The following ENC1 variants were observed in gnomAD, a reference collection of about 807,000 sequenced individuals.
ENC1 encodes the protein ectodermal-neural cortex 1.
Under a neutral mutation model 40.9 loss-of-function variants are expected in ENC1, and 19 were observed. The observed-to-expected ratio is 0.46, with a 90% CI of 0.32 to 0.68. The LOEUF is 0.68. Ranked by LOEUF, ENC1 falls within the 30% of genes least tolerant of loss-of-function variation. The probability of loss-of-function intolerance (pLI) is 0.03; values close to 1 mark genes in which losing one functional copy is unlikely to be tolerated. For missense variants in ENC1, 479 were observed against 737.5 expected, an observed-to-expected ratio of 0.65 and a Z score of 4.06; for synonymous variants, 285 against 291.1, an observed-to-expected ratio of 0.98 and a Z score of 0.21.
intron 2 of ENC1, among the ~76,000 whole-genome samples, chr5:74,632,866 T>C (rs1747441537): frequency 6.6e-6 from 1 of 151,950 alleles, no homozygotes; most frequent in African/African-American, 2.4e-5. Flanking sequence ...GAAAATAAAA[T>C]GGCAAGCTGA....
intron 1 of ENC1, among the ~76,000 whole-genome samples, chr5:74,637,307 G>A (rs1053556101): frequency 7.2e-5 from 11 of 152,104 alleles, no homozygotes; most frequent in South Asian, 2.1e-4. Context: ...TGTAGAGACC[G>A]GGTCTCAAAC....
Position 74,636,515 on chromosome 5 carries a change from T to C in ENC1, c.-13-17A>G, listed in dbSNP as rs764058779. 3 of 1,353,314 alleles carry C rather than the reference T, an allele frequency of 2.2e-6. No homozygotes were observed. Among genetic ancestry groups the C allele is most frequent in the African/African-American group, 2.9e-5 (2 of 67,838 alleles). 83.8% of individuals were successfully genotyped at this position (1,353,314 alleles called of 1,614,324 possible). ...TTTCCACTCCTAAAAATAATAATAA[T>C]AATAAATTGAAAATGATGCTCCTGA... On this transcript the variant is annotated splice_polypyrimidine_tract_variant and intron_variant, in intron 1 of 2. Transcript: ENST00000302351. The surrounding 1 kb of genome is among the most constrained non-coding windows in gnomAD (Gnocchi z 4.8).
chr5:74,635,187 G>A lies in ENC1; in HGVS notation c.1299C>T (p.Gly433=), dbSNP rs775659610. Residue 433 remains glycine, a synonymous_variant, in exon 2 of 3, where the codon GGC becomes GGT. Transcript: ENST00000302351. This position sits in a 1 kb window ranked among gnomAD's most constrained non-coding sequence, Gnocchi z 5.5. The stretch of plus-strand genomic sequence containing the variant: ...CACTCACTACTGCGGCGTTGCTAAC[G>A]CCTTCTCGGAGTGGGGCCACCATGG... The part of the protein sequence containing the change: ...KWTMVAPLRE[G]VSNAAVVSAK... 23 of 1,614,086 alleles carry A rather than the reference G, an allele frequency of 1.4e-5. No individual in the cohort carries two copies. The highest frequency in any genetic ancestry group is 3.3e-5 in the South Asian group (3 of 91,090).
chr5:74,632,138 TC>T (rs1747414529), intron 2 of ENC1: 1 of 152,238 alleles, frequency 6.6e-6, no homozygotes, highest in South Asian at 2.1e-4. Flanking sequence ...CTTACCTTGT[TC>T]CAAGGATTCC....
Position 74,635,605 on chromosome 5 carries a change from C to T in ENC1, c.881G>A (p.Gly294Asp), listed in dbSNP as rs1039755292. Reference protein sequence around the residue: ...TSLCARPRKTGHALFLLGGQT... With the variant: ...TSLCARPRKTDHALFLLGGQT... Reference sequence around the variant, plus strand: ...TCCTCCCAGAAGGAAGAGGGCATGGCCAGTTTTCCGAGGTCGGGCACAGAG... The same window carrying T: ...TCCTCCCAGAAGGAAGAGGGCATGGTCAGTTTTCCGAGGTCGGGCACAGAG... Residue 294 changes from glycine to aspartate, a missense_variant, in exon 2 of 3, where the codon GGC becomes GAC. Physicochemically the swap from Gly to Asp is moderately conservative, Grantham distance 94. Coordinates refer to ENST00000302351, the MANE Select transcript of ENC1 (RefSeq NM_003633.4). The surrounding 1 kb of genome is among the most constrained non-coding windows in gnomAD (Gnocchi z 5.5). The T allele has an allele frequency of 1.2e-6, 2 of 1,614,074 alleles. No individual in the cohort carries two copies. Among genetic ancestry groups the T allele is most frequent in the Non-Finnish European group, 1.7e-6 (2 of 1,180,044 alleles).
rs947185313 is a variant in ENC1 at position 74,629,913 on chromosome 5, CT to C, written c.*111del. ...AGATTTTATTCGAGTCTTGCAACTT[CT>C]TTTCCTTTTTTTCTCTTCATTAGAC... On this transcript the variant is annotated 3_prime_UTR_variant, in exon 3 of 3. Coordinates refer to ENST00000302351, the MANE Select transcript of ENC1 (RefSeq NM_003633.4). The C allele has an allele frequency of 7.5e-5, 11 of 147,130 alleles. No homozygotes were observed. Among genetic ancestry groups the C allele is most frequent in the African/African-American group, 2.8e-4 (11 of 39,850 alleles). The allele number at this position is 147,130 out of a possible 1,614,324, so 9.1% of individuals were successfully genotyped here.
rs1747559027 is a variant in ENC1 at position 74,635,635 on chromosome 5, G to A, written c.851C>T (p.Thr284Ile). 1.2e-6 allele frequency: 2 copies of A among 1,614,114 alleles called. No homozygotes were observed. Among genetic ancestry groups the A allele is most frequent in the Non-Finnish European group, 1.7e-6 (2 of 1,180,058 alleles). Residue 284 changes from threonine (T) to isoleucine (I), a missense_variant, in exon 2 of 3, where the codon ACC becomes ATC. Thr to Ile is a moderately conservative substitution (Grantham distance 89). Coordinates refer to ENST00000302351, the MANE Select transcript of ENC1 (RefSeq NM_003633.4). This position sits in a 1 kb window ranked among gnomAD's most constrained non-coding sequence, Gnocchi z 5.5. ...LKILQNDGVV[T>I]SLCARPRKTG... ...TTTCCGAGGTCGGGCACAGAGGCTGGTTACCACACCGTCATTCTGCAGGAT... is the reference window on the plus strand; with the variant it reads ...TTTCCGAGGTCGGGCACAGAGGCTGATTACCACACCGTCATTCTGCAGGAT...
chr5:74,631,089 T>C (rs963330577), intron 2 of ENC1, among the ~76,000 whole-genome samples: 4 of 150,368 alleles, frequency 2.7e-5, no homozygotes, highest in Admixed American at 1.3e-4. Context: ...TTCAAGACAA[T>C]GCATATTCAA....
chr5:74,634,228 AT>A (rs2112024784), intron 2 of ENC1, among the ~76,000 whole-genome samples: 1 of 152,170 alleles, frequency 6.6e-6, no homozygotes, highest in African/African-American at 2.4e-5. Context: ...CCTGGCCAAC[AT>A]GGTGAAACCC....
intron 2 of ENC1, among the ~76,000 whole-genome samples, chr5:74,633,427 A>G (rs1747459418): frequency 6.6e-6 from 1 of 152,226 alleles, no homozygotes; most frequent in Non-Finnish European, 1.5e-5. Flanking sequence ...TAGTTTGGGA[A>G]GTTTAGGTGG....
rs1350202471 is a variant in ENC1, at chr5:74,634,827, C to T, written c.1659G>A (p.Lys553=). 1.2e-6 allele frequency: 2 copies of T among 1,614,152 alleles called. No individual in the cohort carries two copies. Among genetic ancestry groups the T allele is most frequent in the African/African-American group, 1.3e-5 (1 of 75,046 alleles). Residue 553 remains lysine (K), a synonymous_variant, in exon 2 of 3, where the codon AAG becomes AAA. Coordinates refer to ENST00000302351, the MANE Select transcript of ENC1 (RefSeq NM_003633.4). The stretch of plus-strand genomic sequence containing the variant: ...ATGTTGGATCGTAGCAGTCCAAAGT[C>T]TTGCATCGCTGAATGCCAAAGTATC... The part of the protein sequence containing the change: ...VGGYFGIQRC[K]TLDCYDPTLD...
intron 1 of ENC1, among the ~76,000 whole-genome samples, chr5:74,638,199 T>C (rs1328945503): frequency 6.6e-6 from 1 of 152,216 alleles, no homozygotes; most frequent in East Asian, 1.9e-4. Context: ...CAGACATTTT[T>C]AAATGCATAT....
intron 2 of ENC1, 144 bp from the exon 3 acceptor site, chr5:74,630,136 A>G (rs1747343363): frequency 1.3e-5 from 2 of 152,196 alleles, no homozygotes; most frequent in African/African-American, 4.8e-5. Flanking sequence ...ATTGCTTCCA[A>G]AGGTCTTACA....
chr5:74,639,003 G>C (rs1747719785), intron 1 of ENC1, among the ~76,000 whole-genome samples: 1 of 152,170 alleles, frequency 6.6e-6, no homozygotes, highest in African/African-American at 2.4e-5. Context: ...TAGGATATAG[G>C]ATCTACATCT....
At position 74,636,497 on chromosome 5, in the gene ENC1, T is replaced by C. The variant is rs1272021198; in HGVS notation, c.-12A>G. 1 of 1,493,222 alleles carries C rather than the reference T, an allele frequency of 6.7e-7. No individual in the cohort carries two copies. The highest frequency in any genetic ancestry group is 9.2e-7 in the Non-Finnish European group (1 of 1,086,030). The allele number at this position is 1,493,222 out of a possible 1,614,324, so 92.5% of individuals were successfully genotyped here. On this transcript the variant is annotated splice_region_variant and 5_prime_UTR_variant, in exon 2 of 3. Transcript: ENST00000302351. This position sits in a 1 kb window ranked among gnomAD's most constrained non-coding sequence, Gnocchi z 4.8. ...ACACTGACTGACATTTTGTTTCCAC[T>C]CCTAAAAATAATAATAATAATAAAT...
intron 1 of ENC1, chr5:74,639,972 G>T (rs1747784669): frequency 6.6e-6 from 1 of 152,188 alleles, no homozygotes; most frequent in Non-Finnish European, 1.5e-5. Flanking sequence ...GACGCAGCGC[G>T]ACATTCACCC....
rs972052253 is a variant in ENC1, at chr5:74,627,593, C to T, written c.*2432G>A. The T allele has an allele frequency of 6.5e-6, 1 of 152,686 alleles. No homozygotes were observed. The highest frequency in any genetic ancestry group is 3.4e-3 in the Middle Eastern group (1 of 294). The allele number at this position is 152,686 out of a possible 1,614,324, so 9.5% of individuals were successfully genotyped here. On this transcript the variant is annotated 3_prime_UTR_variant, in exon 3 of 3. Coordinates refer to ENST00000302351, the MANE Select transcript of ENC1 (RefSeq NM_003633.4). ...ACATGGTCAATAGCCAAGAGAGGGA[C>T]ATTATGCAGCTCTAATCACTCTTAT...
In ENC1 at chr5:74,636,578, CACAAAAA is replaced by C. The variant is rs772580079; in HGVS notation, c.-13-87_-13-81del. 2.0e-5 allele frequency: 16 copies of C among 798,162 alleles called. No homozygotes were observed. Among genetic ancestry groups the C allele is most frequent in the Non-Finnish European group, 2.8e-5 (14 of 508,244 alleles). The allele number at this position is 798,162 out of a possible 1,614,324, so 49.4% of individuals were successfully genotyped here. On this transcript the variant is annotated intron_variant, in intron 1 of 2. Coordinates refer to ENST00000302351, the MANE Select transcript of ENC1 (RefSeq NM_003633.4). The surrounding 1 kb of genome is among the most constrained non-coding windows in gnomAD (Gnocchi z 4.8). The stretch of plus-strand genomic sequence containing the variant: ...CAGAACGAAAGCAACAATGGTTTTG[CACAAAAA>C]ACAGAACACTTTGTTGTTGACCATG...
At position 74,634,683 on chromosome 5, in the gene ENC1, C is replaced by T; in HGVS notation, c.*32+1G>A. 6.9e-7 allele frequency: 1 copy of T among 1,450,858 alleles called. No individual in the cohort carries two copies. The highest frequency in any genetic ancestry group is 9.6e-7 in the Non-Finnish European group (1 of 1,040,060). The allele number at this position is 1,450,858 out of a possible 1,614,324, so 89.9% of individuals were successfully genotyped here. ...CTTACATCTATAGCTAAACTTCTTA[C>T]CTCATGCTCACTCTCTTTAGAATGT... On this transcript the variant is annotated splice_donor_variant, in intron 2 of 2. Coordinates refer to ENST00000302351, the MANE Select transcript of ENC1 (RefSeq NM_003633.4). LOFTEE classifies it low-confidence loss of function (3UTR_SPLICE).
Sources: gnomAD v4.1 joint callset for allele counts (sites outside exome capture counted in the v4.1 genomes callset) on GRCh38, gnomAD v4.1.1 for gene constraint, Gnocchi (gnomAD v3.1) non-coding constraint, MANE v1.5 for transcripts, NCBI Gene and HGNC (gene_info 2026-07-23, HGNC 2026-07-21) for gene names.